BTBD9: variants seen among roughly 807,000 people sequenced by gnomAD.
BTBD9 encodes the protein BTB domain containing 9.
BTBD9 carries 49 observed loss-of-function variants against 64.3 expected under a neutral mutation model. The ratio of observed to expected loss-of-function variants is 0.76; its 90% CI spans 0.61 to 0.97. BTBD9 has a LOEUF of 0.97. Among genes scored for constraint, BTBD9 ranks in the 50% least tolerant of loss-of-function variants. BTBD9 has a pLI of 0.00. For missense variants in BTBD9, 598 were observed against 762.1 expected (o/e 0.78, Z 2.53); for synonymous variants, 260 against 274.7 (o/e 0.95, Z 0.53).
intron 6 of BTBD9, among the ~76,000 whole-genome samples, chr6:38,537,463 G>A (rs888461022): frequency 1.3e-5 from 2 of 152,162 alleles, no homozygotes; most frequent in African/African-American, 4.8e-5. Context: ...GACTCCTGCA[G>A]GGCAGGAAAC....
At chr6:38,568,462 T>G (rs553715769) in intron 6 of BTBD9, among the ~76,000 whole-genome samples, 1 of 152,334 alleles carries the variant, frequency 6.6e-6, no homozygotes, top group East Asian at 1.9e-4. Flanking sequence ...CTGGGTTCCA[T>G]TCCCAGTTCC....
At chr6:38,248,561 A>G (rs1228156063) in intron 9 of BTBD9, among the ~76,000 whole-genome samples, 2 of 152,248 alleles carry the variant, frequency 1.3e-5, no homozygotes, top group Admixed American at 6.5e-5. Context: ...ATACTCTGAC[A>G]GGAAACAAGA....
intron 1 of BTBD9, among the ~76,000 whole-genome samples, chr6:38,626,754 A>C (rs1380036774): frequency 1.3e-5 from 2 of 152,230 alleles, no homozygotes; most frequent in East Asian, 3.8e-4. Context: ...ATCAAGCCTA[A>C]AACAAAAGGT....
At chr6:38,557,851 G>A (rs1441008097) in intron 6 of BTBD9, among the ~76,000 whole-genome samples, 2 of 152,238 alleles carry the variant, frequency 1.3e-5, no homozygotes, top group Non-Finnish European at 2.9e-5. Context: ...ACAACCAACT[G>A]TGAAGTTGGA....
chr6:38,405,647 A>G (rs1261426834), intron 6 of BTBD9, among the ~76,000 whole-genome samples: 2 of 151,902 alleles, frequency 1.3e-5, no homozygotes, highest in East Asian at 3.8e-4. Flanking sequence ...TTACATTCTC[A>G]GTGCAAATGA....
At chr6:38,453,255 T>C (rs1769640669) in intron 6 of BTBD9, among the ~76,000 whole-genome samples, 5 of 152,182 alleles carry the variant, frequency 3.3e-5, no homozygotes, top group Non-Finnish European at 2.9e-5. Context: ...CCCGTAGAAT[T>C]TATTGTCATC....
chr6:38,418,681 C>G (rs960501545), intron 6 of BTBD9, among the ~76,000 whole-genome samples: 1 of 152,140 alleles, frequency 6.6e-6, no homozygotes, highest in Non-Finnish European at 1.5e-5. Context: ...ATTTTAGTCC[C>G]ACAGCTATAC....
chr6:38,601,577 T>C (rs1292730211), intron 1 of BTBD9, among the ~76,000 whole-genome samples: 2 of 152,066 alleles, frequency 1.3e-5, no homozygotes, highest in Non-Finnish European at 2.9e-5. Context: ...TCCCAGCTAA[T>C]TGGGAGGCTG....
At chr6:38,295,315 C>A (rs1762118477) in intron 7 of BTBD9, among the ~76,000 whole-genome samples, 1 of 152,002 alleles carries the variant, frequency 6.6e-6, no homozygotes, top group Admixed American at 6.6e-5. Context: ...TAGGCAGGTG[C>A]CATCATGCCT....
Position 38,326,710 on chromosome 6 carries a change from T to C in BTBD9, c.1264+18274A>G, listed in dbSNP as rs564066111. ...GTTTTACTGAGATGTGCTTCCAACT[T>C]TTTATAACAGGCATCTACTGAACAT... On this transcript the variant is annotated intron_variant, in intron 7 of 10. Transcript: ENST00000481247. Among the ~76,000 whole-genome samples the C allele has an allele frequency of 2.6e-5, 4 of 152,178 alleles. No homozygotes were observed. In the East Asian group the frequency reaches 7.7e-4, roughly 29 times the overall value.
intron 1 of BTBD9, among the ~76,000 whole-genome samples, chr6:38,601,650 C>T (rs1777242690): frequency 6.6e-6 from 1 of 152,068 alleles, no homozygotes; most frequent in Non-Finnish European, 1.5e-5. Context: ...TGTGCCACTG[C>T]ACTCCATCCT....
intron 6 of BTBD9, among the ~76,000 whole-genome samples, chr6:38,487,512 G>A (rs1031425115): frequency 1.3e-5 from 2 of 151,958 alleles, no homozygotes; most frequent in African/African-American, 2.4e-5. Flanking sequence ...GTCCAGGGAG[G>A]TCGAGGCTGC....
At chr6:38,255,134 T>C (rs896337644) in intron 9 of BTBD9, among the ~76,000 whole-genome samples, 14 of 152,340 alleles carry the variant, frequency 9.2e-5, no homozygotes, top group African/African-American at 2.4e-4. Context: ...GAAAACACTA[T>C]GCTAAGTGAA....
intron 1 of BTBD9, among the ~76,000 whole-genome samples, chr6:38,610,321 C>T (rs1291158901): frequency 6.6e-6 from 1 of 152,160 alleles, no homozygotes; most frequent in African/African-American, 2.4e-5. Flanking sequence ...TTTGCTGTAG[C>T]CATGGTAAAT....
At chr6:38,470,730 T>C (rs1383490758) in intron 6 of BTBD9, among the ~76,000 whole-genome samples, 1 of 152,190 alleles carries the variant, frequency 6.6e-6, no homozygotes, top group Non-Finnish European at 1.5e-5. Flanking sequence ...GCATGAGCCA[T>C]CTAAAGCATG....
intron 6 of BTBD9, among the ~76,000 whole-genome samples, chr6:38,423,020 T>A (rs148201734): frequency 3.1e-4 from 47 of 152,248 alleles, no homozygotes; most frequent in Non-Finnish European, 5.4e-4. Flanking sequence ...ATCCCAGCAC[T>A]TTGGGAGGCT....
intron 1 of BTBD9, among the ~76,000 whole-genome samples, chr6:38,604,654 A>AT (rs146174155): frequency 2.6e-5 from 4 of 152,370 alleles, no homozygotes; most frequent in Non-Finnish European, 5.9e-5. Context: ...AAATACTTCC[A>AT]TAAGTACCAT....
intron 1 of BTBD9, among the ~76,000 whole-genome samples, chr6:38,627,343 G>A (rs1349994267): frequency 6.6e-6 from 1 of 152,178 alleles, no homozygotes; most frequent in Non-Finnish European, 1.5e-5. Flanking sequence ...GTGCTCTGTA[G>A]GCATTAAGGT....
intron 10 of BTBD9, among the ~76,000 whole-genome samples, chr6:38,187,821 G>A (rs1761883480): frequency 6.6e-6 from 1 of 152,212 alleles, no homozygotes; most frequent in Non-Finnish European, 1.5e-5. Context: ...TGCTCACAAA[G>A]GAAGATGAGA....
Sources: gnomAD v4.1 joint callset for allele counts (sites outside exome capture counted in the v4.1 genomes callset) on GRCh38, gnomAD v4.1.1 for gene constraint, MANE v1.5 for transcripts, NCBI Gene and HGNC (gene_info 2026-07-23, HGNC 2026-07-21) for gene names.